Variants in TNS2 observed in about 807,000 individuals in gnomAD.
The protein encoded by TNS2 is tensin-2.
Under a neutral mutation model 155.7 loss-of-function variants are expected in TNS2, and 77 were observed. That is an observed-to-expected ratio of 0.49 (90% CI 0.41 to 0.60). The LOEUF (loss-of-function observed/expected upper bound fraction) is 0.60. TNS2 is among the 20% of genes least tolerant of loss of function. The pLI, the probability that TNS2 is intolerant of heterozygous loss-of-function variation, is 0.00. For synonymous variants in TNS2, 726 were observed against 763.9 expected, an observed-to-expected ratio of 0.95 and a Z score of 0.82; for missense variants, 1,703 against 1,868.8, an observed-to-expected ratio of 0.91 and a Z score of 1.64.
chr12:53,062,943 C>T, intron 25 of TNS2, 146 bp from the exon 26 acceptor site: 1 of 1,119,238 alleles, frequency 8.9e-7, no homozygotes, highest in Non-Finnish European at 1.2e-6. Flanking sequence ...ACTGTAGATC[C>T]AGTAGAGTCA....
intron 10 of TNS2, 94 bp downstream of exon 10, chr12:53,055,939 G>A (rs1488537364): frequency 2.1e-5 from 28 of 1,338,324 alleles, no homozygotes; most frequent in Non-Finnish European, 2.8e-5. Flanking sequence ...CCACCTCTTC[G>A]TTGAGAGTCC....
In TNS2 at chr12:53,063,920, C is replaced by A. The variant is rs34922637; in HGVS notation, c.*38C>A. The A allele has an allele frequency of 0.067, 107,723 of 1,605,694 alleles. 3,924 individuals are homozygous for A. The highest frequency in any genetic ancestry group is 0.16 in the East Asian group (7,166 of 44,774). ...AGCTCAGAGCCCACATCAACACTGC[C>A]CCCCTCCCAGCACCCCACAGCCCTC... On this transcript the variant is annotated 3_prime_UTR_variant, in exon 29 of 29. Coordinates refer to ENST00000314250, the MANE Select transcript of TNS2 (RefSeq NM_170754.4). This position sits in a 1 kb window ranked among gnomAD's most constrained non-coding sequence, Gnocchi z 5.6.
chr12:53,059,720 C>T lies in TNS2; in HGVS notation c.2079C>T (p.Cys693=), dbSNP rs773974809. The T allele has an allele frequency of 1.3e-5, 21 of 1,612,938 alleles. No individual in the cohort carries two copies. The highest frequency in any genetic ancestry group is 5.3e-5 in the African/African-American group (4 of 74,912). The change falls in exon 18 of 29, where the codon TGC becomes TGT. Residue 693 remains cysteine (C), a synonymous_variant. Transcript: ENST00000314250. This position sits in a 1 kb window ranked among gnomAD's most constrained non-coding sequence, Gnocchi z 4.7. ...GLPALYPCPA[C]EEKLALPTAA... ...CTGCCCTATACCCATGCCCAGCCTG[C>T]GAGGAGAAGCTGGCGCTGCCTACAG...
At position 53,060,278 on chromosome 12, in the gene TNS2, G is replaced by T. The variant is rs200916908; in HGVS notation, c.2617+20G>T. 3 of 1,538,736 alleles carry T rather than the reference G, an allele frequency of 1.9e-6. No homozygotes were observed. In the Admixed American group the frequency reaches 5.6e-5, roughly 29 times the overall value. ...CTGCAGGTGAGGGGCACCAGAGTGC[G>T]GAGTGCCCAGGGCAGAGGAGGTTCT... is the stretch of plus-strand genomic sequence containing the variant. On this transcript the variant is annotated intron_variant, in intron 18 of 28. Coordinates refer to ENST00000314250, the MANE Select transcript of TNS2 (RefSeq NM_170754.4). This position sits in a 1 kb window ranked among gnomAD's most constrained non-coding sequence, Gnocchi z 6.1.
rs750376770 is a variant in TNS2 at position 53,063,094 on chromosome 12, A to G, written c.3829A>G (p.Ser1277Gly). Residue 1277 changes from serine (S) to glycine (G), a missense_variant, in exon 26 of 29, where the codon AGC becomes GGC. Coordinates refer to ENST00000314250, the MANE Select transcript of TNS2 (RefSeq NM_170754.4). The surrounding 1 kb of genome is among the most constrained non-coding windows in gnomAD (Gnocchi z 5.6). Reference protein sequence around the residue: ...ADLLRQGAACSVLYLTSVETE... With the variant: ...ADLLRQGAACGVLYLTSVETE... The stretch of plus-strand genomic sequence containing the variant: ...CCCACTCCCTGCCCCTGTAGCCTGC[A>G]GCGTGCTCTACTTGACCTCAGTGGA... 6.5e-7 allele frequency: 1 copy of G among 1,543,686 alleles called. No individual in the cohort carries two copies. Among genetic ancestry groups the G allele is most frequent in the Non-Finnish European group, 8.7e-7 (1 of 1,147,388 alleles).
In TNS2 at chr12:53,060,997, C is replaced by G; in HGVS notation, c.3091C>G (p.Pro1031Ala). 6.2e-7 allele frequency: 1 copy of G among 1,613,028 alleles called. No homozygotes were observed. Among genetic ancestry groups the G allele is most frequent in the South Asian group, 1.1e-5 (1 of 90,982 alleles). ...RGPPDSPDGS[P>A]LTPVPSQMPW... is the part of the protein sequence containing the mutation. ...CCCCCCCGACAGCCCAGATGGGTCT[C>G]CCCTCACTCCTGTGCCTTCCCAGAT... The change falls in exon 20 of 29, where the codon CCC (proline) becomes GCC (alanine). Residue 1031 changes from proline to alanine, a missense_variant. Pro to Ala is a conservative substitution (Grantham distance 27, BLOSUM62 -1). Coordinates refer to ENST00000314250, the MANE Select transcript of TNS2 (RefSeq NM_170754.4). This position sits in a 1 kb window ranked among gnomAD's most constrained non-coding sequence, Gnocchi z 6.1.
At position 53,057,577 on chromosome 12, in the gene TNS2, T is replaced by C. The variant is rs1212082250; in HGVS notation, c.856T>C (p.Tyr286His). The C allele has an allele frequency of 6.2e-7, 1 of 1,611,734 alleles. No homozygotes were observed. Among genetic ancestry groups the C allele is most frequent in the South Asian group, 1.1e-5 (1 of 90,870 alleles). The change falls in exon 12 of 29, where the codon TAC becomes CAC. Residue 286 changes from tyrosine (Y) to histidine (H), a missense_variant. Coordinates refer to ENST00000314250, the MANE Select transcript of TNS2 (RefSeq NM_170754.4). Reference protein sequence around the residue: ...LQPSQRRYISYFSGLLSGSIR... With the variant: ...LQPSQRRYISHFSGLLSGSIR... ...CACGCCCTCCACCAGATATATCAGC[T>C]ACTTCAGTGGGCTGCTATCTGGCTC...
chr12:53,049,193 C>T (rs1156462809), upstream of TNS2: 2 of 1,600,736 alleles, frequency 1.2e-6, no homozygotes, highest in Admixed American at 3.4e-5. Flanking sequence ...CTGTCCAGTC[C>T]TCAGGCCCTG....
At chr12:53,053,255 G>T in intron 3 of TNS2, 156 bp from the exon 4 acceptor site, 1 of 813,116 alleles carries the variant, frequency 1.2e-6, no homozygotes. Flanking sequence ...AGAGGCCAGA[G>T]GGGAGGTGCC....
In TNS2 at chr12:53,064,094, G is replaced by A. The variant is rs534707260; in HGVS notation, c.*212G>A. The stretch of plus-strand genomic sequence containing the variant: ...AGGCCCACAAGATGACCTTGCATGT[G>A]AGCAGATGGCAGAGATGGGTGTGTG... On this transcript the variant is annotated 3_prime_UTR_variant, in exon 29 of 29. Coordinates refer to ENST00000314250, the MANE Select transcript of TNS2 (RefSeq NM_170754.4). The A allele has an allele frequency of 2.9e-5, 17 of 585,496 alleles. 1 individual carries two copies. In the Admixed American group the frequency reaches 4.4e-4, roughly 15 times the overall value. The allele number at this position is 585,496 out of a possible 1,614,324, so 36.3% of individuals were successfully genotyped here. A position where few individuals can be genotyped will look rare whatever the true frequency, so the allele number is the denominator to read the frequency against.
At position 53,055,568 on chromosome 12, in the gene TNS2, G is replaced by A. The variant is rs759665766; in HGVS notation, c.574G>A (p.Val192Ile). The change falls in exon 9 of 29, where the codon GTT becomes ATT. Residue 192 changes from valine (V) to isoleucine (I), a missense_variant and splice_region_variant. By Grantham distance (29) the Val-to-Ile change is conservative. Coordinates refer to ENST00000314250, the MANE Select transcript of TNS2 (RefSeq NM_170754.4). The stretch of plus-strand genomic sequence containing the variant: ...AGTTGCACCCCTGCATTCTCCCCAG[G>A]TTCAAGACTTCGGCTGGCCTGAGCT... ...RHDLTRLNPK[V>I]QDFGWPELHA... 1 of 1,601,848 alleles carries A rather than the reference G, an allele frequency of 6.2e-7. No homozygotes were observed. The highest frequency in any genetic ancestry group is 2.2e-5 in the East Asian group (1 of 44,656).
Position 53,050,178 on chromosome 12 carries a change from C to G in TNS2, c.-8C>G. ...CCCTGGGGCCAGCACCCCAGCCAGC[C>G]GAACACCATGAAGTCCAGCGGCCCT... is the stretch of plus-strand genomic sequence containing the variant. On this transcript the variant is annotated 5_prime_UTR_variant, in exon 1 of 29. Coordinates refer to ENST00000314250, the MANE Select transcript of TNS2 (RefSeq NM_170754.4). This position sits in a 1 kb window ranked among gnomAD's most constrained non-coding sequence, Gnocchi z 4.7. 1 of 1,610,446 alleles carries G rather than the reference C, an allele frequency of 6.2e-7. No individual in the cohort carries two copies. The highest frequency in any genetic ancestry group is 2.2e-5 in the East Asian group (1 of 44,734).
Position 53,060,793 on chromosome 12 carries a change from G to A in TNS2, c.2887G>A (p.Gly963Arg). The A allele has an allele frequency of 6.2e-7, 1 of 1,612,216 alleles. No individual in the cohort carries two copies. The highest frequency in any genetic ancestry group is 8.5e-7 in the Non-Finnish European group (1 of 1,179,152). Residue 963 changes from glycine (G) to arginine (R), a missense_variant, in exon 20 of 29, where the codon GGA (glycine) becomes AGA (arginine). Transcript: ENST00000314250. This position sits in a 1 kb window ranked among gnomAD's most constrained non-coding sequence, Gnocchi z 6.1. ...CGGAAAGGCCCCTGAGCTGCCGTCG[G>A]GAAGTGGGCCTGAGCCTCTGGCCCC... The part of the protein sequence containing the change: ...GTGKAPELPS[G>R]SGPEPLAPSP...
At chr12:53,048,751 G>A (rs953664421), upstream of TNS2, among the ~76,000 whole-genome samples, 3 of 152,176 alleles carry the variant, frequency 2.0e-5, no homozygotes, top group Admixed American at 6.5e-5. Flanking sequence ...TCAGGTCCTC[G>A]CAAGGGTCTC....
Position 53,053,980 on chromosome 12 carries a change from C to CT in TNS2, c.317dup (p.Asn107GlufsTer45). ...TAACCACCAGGGATCCACCAAATCT[C>CT]TGAACCACTCAAAGCAGCGCAGCAC... On this transcript the variant is annotated frameshift_variant, in exon 6 of 29. Transcript: ENST00000314250. LOFTEE classifies it high-confidence loss of function. 2 of 1,614,206 alleles carry CT rather than the reference C, an allele frequency of 1.2e-6. No homozygotes were observed. Among genetic ancestry groups the CT allele is most frequent in the Non-Finnish European group, 1.7e-6 (2 of 1,180,028 alleles).
At chr12:53,053,842 G>A in intron 5 of TNS2, 30 bp downstream of exon 5, 1 of 1,613,706 alleles carries the variant, frequency 6.2e-7, no homozygotes, top group Non-Finnish European at 8.5e-7. Context: ...GGAGGGGGAA[G>A]CAGGTAGCTT....
chr12:53,052,313 C>T (rs1458854615), intron 2 of TNS2, 142 bp from the exon 3 acceptor site: 2 of 1,054,398 alleles, frequency 1.9e-6, no homozygotes, highest in Non-Finnish European at 2.9e-6. Context: ...TAGCCCTGCT[C>T]CTCTGCCCCA....
At chr12:53,053,533 CAGG>C in intron 4 of TNS2, 84 bp downstream of exon 4, 1 of 1,558,156 alleles carries the variant, frequency 6.4e-7, no homozygotes, top group Non-Finnish European at 8.8e-7. Context: ...AGAGGGCCCC[CAGG>C]AGATGACCTT....
chr12:53,058,795 A>C lies in TNS2; in HGVS notation c.1373A>C (p.Asn458Thr). ...GCCGTGCGCTGGGACTCCTATGAGA[A>C]CTTCAACCAGCACCACGAGGACAGT... ...EPAVRWDSYE[N>T]FNQHHEDSVD... The change falls in exon 17 of 29, where the codon AAC (asparagine) becomes ACC (threonine). Residue 458 changes from asparagine (N) to threonine (T), a missense_variant. Coordinates refer to ENST00000314250, the MANE Select transcript of TNS2 (RefSeq NM_170754.4). 6.2e-7 allele frequency: 1 copy of C among 1,613,768 alleles called. No individual in the cohort carries two copies. Among genetic ancestry groups the C allele is most frequent in the Non-Finnish European group, 8.5e-7 (1 of 1,179,990 alleles).
Sources: allele counts gnomAD v4.1 joint callset (sites outside exome capture counted in the v4.1 genomes callset), GRCh38; gene constraint gnomAD v4.1.1; non-coding constraint Gnocchi (gnomAD v3.1); transcripts MANE v1.5; gene names NCBI Gene and HGNC (gene_info 2026-07-23, HGNC 2026-07-21).